Variants in OPCML observed in about 807,000 individuals in gnomAD.
OPCML encodes opioid binding protein/cell adhesion molecule like.
In OPCML, 13 loss-of-function variants were observed where a neutral mutation model predicts 37.8. The observed-to-expected ratio is 0.34, with a 90% confidence interval of 0.22 to 0.55. OPCML has a LOEUF of 0.55. Ranked by LOEUF, OPCML falls within the 20% of genes least tolerant of loss-of-function variation. The probability of loss-of-function intolerance (pLI) is 0.91; values close to 1 mark genes in which losing one functional copy is unlikely to be tolerated. For missense variants in OPCML, 341 were observed against 435.6 expected (o/e 0.78, Z 1.93); for synonymous variants, 176 against 168.8 (o/e 1.04, Z -0.33).
At chr11:132,529,676 C>A (rs1337781766) in intron 3 of OPCML, among the ~76,000 whole-genome samples, 2 of 152,142 alleles carry the variant, frequency 1.3e-5, no homozygotes, top group Admixed American at 6.6e-5. Flanking sequence ...AAATCTTTGA[C>A]CTTGAACAGG....
chr11:132,632,241 A>AT (rs67176157), intron 3 of OPCML, among the ~76,000 whole-genome samples: 3,268 of 111,482 alleles, frequency 0.029, 97 homozygotes, highest in African/African-American at 0.09. Flanking sequence ...ATTCAAACAC[A>AT]TTTTTTTTTT....
intron 1 of OPCML, among the ~76,000 whole-genome samples, chr11:132,962,997 T>C (rs1269446933): frequency 1.3e-5 from 2 of 152,068 alleles, no homozygotes; most frequent in African/African-American, 2.4e-5. Context: ...TAGAGGAATC[T>C]CTGAATGGGG....
intron 2 of OPCML, among the ~76,000 whole-genome samples, chr11:132,774,154 A>T (rs137967122): frequency 6.6e-5 from 10 of 152,254 alleles, no homozygotes; most frequent in Admixed American, 1.3e-4. Context: ...GTTAAGCTTC[A>T]TTGGGGTCCA....
In OPCML at chr11:132,705,781, C is replaced by CT. The variant is rs201566526; in HGVS notation, c.147-48463dup. Among the ~76,000 whole-genome samples, 1,352 of 152,114 alleles carry CT rather than the reference C, an allele frequency of 8.9e-3. 8 individuals are homozygous for CT. Among genetic ancestry groups the CT allele is most frequent in the Middle Eastern group, 0.017 (5 of 294 alleles). On this transcript the variant is annotated intron_variant, in intron 2 of 7. Transcript: ENST00000524381. ...CTGCAGAACTGTGAACCTATTAAAT[C>CT]TTTTTTCTAATAAAGTACCCAGTCT... is the stretch of plus-strand genomic sequence containing the variant.
At chr11:133,163,686 C>G (rs1234953566) in intron 1 of OPCML, among the ~76,000 whole-genome samples, 1 of 152,160 alleles carries the variant, frequency 6.6e-6, no homozygotes, top group South Asian at 2.1e-4. Flanking sequence ...GTGAGTGTTG[C>G]AGGAAGGACT....
intron 2 of OPCML, among the ~76,000 whole-genome samples, chr11:132,751,917 T>G (rs1945847711): frequency 6.6e-6 from 1 of 152,214 alleles, no homozygotes. Context: ...GAGAAACCAG[T>G]CTTCACAAAA....
At chr11:133,295,146 C>G (rs1307941701) in intron 1 of OPCML, among the ~76,000 whole-genome samples, 4 of 152,092 alleles carry the variant, frequency 2.6e-5, no homozygotes, top group Admixed American at 2.0e-4. Flanking sequence ...GCTTCAAACC[C>G]AACTTCTTTC....
At chr11:133,454,921 G>A (rs1309679469) in intron 1 of OPCML, among the ~76,000 whole-genome samples, 1 of 152,158 alleles carries the variant, frequency 6.6e-6, no homozygotes, top group East Asian at 1.9e-4. Context: ...AGAGTCCCCA[G>A]TTTTTCTCAT....
intron 1 of OPCML, among the ~76,000 whole-genome samples, chr11:132,979,686 T>TAG (rs1946542713): frequency 6.6e-6 from 1 of 152,228 alleles, no homozygotes; most frequent in Non-Finnish European, 1.5e-5. Flanking sequence ...AAAATGTTGC[T>TAG]TAACATCTCA....
chr11:133,478,189 G>A, intron 1 of OPCML, among the ~76,000 whole-genome samples: 1 of 152,184 alleles, frequency 6.6e-6, no homozygotes, highest in Non-Finnish European at 1.5e-5. Flanking sequence ...TGAGCTTCGA[G>A]ACATCGGGAA....
chr11:132,736,250 T>C (rs549508715), intron 2 of OPCML, among the ~76,000 whole-genome samples: 1 of 152,152 alleles, frequency 6.6e-6, no homozygotes, highest in Admixed American at 6.5e-5. Flanking sequence ...GTTTTCTGAT[T>C]GAGAGAAGCT....
At position 133,069,570 on chromosome 11, in the gene OPCML, G is replaced by A. The variant is rs114182425; in HGVS notation, c.62-126560C>T. ...AAGACACTATCAAACGTGTGTGTGC[G>A]ACTACACAAATGTGAATGCAAATGG... On this transcript the variant is annotated intron_variant, in intron 1 of 7. Coordinates refer to ENST00000524381, the MANE Select transcript of OPCML (RefSeq NM_001012393.5). Among the ~76,000 whole-genome samples the A allele has an allele frequency of 1.9e-3, 293 of 152,242 alleles. 1 individual carries two copies. Among genetic ancestry groups the A allele is most frequent in the African/African-American group, 6.5e-3 (269 of 41,540 alleles).
At chr11:133,158,484 G>A (rs1370523550) in intron 1 of OPCML, among the ~76,000 whole-genome samples, 3 of 151,734 alleles carry the variant, frequency 2.0e-5, no homozygotes, top group Non-Finnish European at 2.9e-5. Context: ...GGAGGATCAC[G>A]AGGTCAAGAG....
chr11:132,866,274 G>T (rs1372818783), intron 2 of OPCML, among the ~76,000 whole-genome samples: 1 of 152,186 alleles, frequency 6.6e-6, no homozygotes, highest in Non-Finnish European at 1.5e-5. Context: ...ATTTGTTCAG[G>T]TAAATTCTTT....
chr11:132,930,302 T>C (rs1386357413), intron 2 of OPCML, among the ~76,000 whole-genome samples: 1 of 152,102 alleles, frequency 6.6e-6, no homozygotes, highest in Admixed American at 6.5e-5. Flanking sequence ...AGGTCGAGGC[T>C]ACAGTGAGCC....
chr11:132,657,999 C>G (rs547914144), intron 2 of OPCML, among the ~76,000 whole-genome samples: 2 of 152,178 alleles, frequency 1.3e-5, no homozygotes, highest in Non-Finnish European at 2.9e-5. Flanking sequence ...AGGCTATTAT[C>G]AAAGCAGGGA....
At chr11:132,743,214 C>T (rs763974553) in intron 2 of OPCML, among the ~76,000 whole-genome samples, 18 of 152,130 alleles carry the variant, frequency 1.2e-4, no homozygotes, top group Non-Finnish European at 2.5e-4. Flanking sequence ...TTTCTCCCTG[C>T]TTGATAATGT....
chr11:132,959,991 A>G (rs1048044012), intron 1 of OPCML, among the ~76,000 whole-genome samples: 1 of 152,214 alleles, frequency 6.6e-6, no homozygotes. Flanking sequence ...TCTGGGAAAC[A>G]TGTTTGGCTC....
chr11:133,351,042 A>G (rs536419349), intron 1 of OPCML, among the ~76,000 whole-genome samples: 2 of 152,304 alleles, frequency 1.3e-5, no homozygotes, highest in Non-Finnish European at 2.9e-5. Flanking sequence ...TATACCTCTC[A>G]GGTCAATAGA....
Sources: gnomAD v4.1 joint callset for allele counts (sites outside exome capture counted in the v4.1 genomes callset) on GRCh38, gnomAD v4.1.1 for gene constraint, MANE v1.5 for transcripts, NCBI Gene and HGNC (gene_info 2026-07-23, HGNC 2026-07-21) for gene names.